COL25A1: variants seen among roughly 807,000 people sequenced by gnomAD.
The protein encoded by COL25A1 is collagen alpha-1(XXV) chain.
A neutral mutation model predicts 128.4 loss-of-function variants in COL25A1; 103 were observed. The ratio of observed to expected loss-of-function variants is 0.80; its 90% CI spans 0.68 to 0.94. COL25A1 has a LOEUF of 0.94. Ranked by LOEUF, COL25A1 falls within the 40% of genes least tolerant of loss-of-function variation. The pLI is 0.00. For synonymous variants in COL25A1, 279 were observed against 277.2 expected, an observed-to-expected ratio of 1.01 and a Z score of -0.06; for missense variants, 745 against 840.0, an observed-to-expected ratio of 0.89 and a Z score of 1.40.
intron 3 of COL25A1, among the ~76,000 whole-genome samples, chr4:109,252,658 C>A (rs1482301260): frequency 6.6e-6 from 1 of 152,222 alleles, no homozygotes; most frequent in Admixed American, 6.5e-5. Context: ...CCTTCCAAGT[C>A]CCTGACTGTC....
At position 108,983,445 on chromosome 4, in the gene COL25A1, C is replaced by A. The variant is rs150744722; in HGVS notation, c.439-8886G>T. Among the ~76,000 whole-genome samples, 46 of 152,280 alleles carry A rather than the reference C, an allele frequency of 3.0e-4. 1 individual carries two copies. In the East Asian group the frequency reaches 8.3e-3, roughly 27 times the overall value. Reference sequence around the variant, plus strand: ...TATAATTATCGATTTCAGCATGTTTCCTAATATATTGTCCCAACATAATTT... The same window carrying A: ...TATAATTATCGATTTCAGCATGTTTACTAATATATTGTCCCAACATAATTT... On this transcript the variant is annotated intron_variant, in intron 6 of 37. Transcript: ENST00000399132.
At chr4:109,218,355 G>GTTTTTTTTT (rs1375312875) in intron 3 of COL25A1, among the ~76,000 whole-genome samples, 265 of 78,120 alleles carry the variant, frequency 3.4e-3, no homozygotes, top group African/African-American at 0.015. Context: ...TGGTTTTTTG[G>GTTTTTTTTT]GGTTTTTTTT....
intron 3 of COL25A1, among the ~76,000 whole-genome samples, chr4:109,117,676 TATGTGTGCTC>T (rs1441834446): frequency 9.9e-5 from 15 of 152,118 alleles, no homozygotes; most frequent in Admixed American, 3.3e-4. Context: ...TGTATTCAGT[TATGTGTGCTC>T]ATGTGTATTA....
chr4:109,202,885 G>T lies in COL25A1; in HGVS notation c.367+97698C>A, dbSNP rs145847741. On this transcript the variant is annotated intron_variant, in intron 3 of 37. Coordinates refer to ENST00000399132, the MANE Select transcript of COL25A1 (RefSeq NM_198721.4). ...ATAAAGATAGATAAGTGGCGAGAGG[G>T]ATATCTACATCTGTACAGATATATG... 9.6e-3 allele frequency among the ~76,000 whole-genome samples: 1,455 copies of T among 152,154 alleles called. 26 individuals carry two copies. Among genetic ancestry groups the T allele is most frequent in the Non-Finnish European group, 0.01 (702 of 68,000 alleles).
At chr4:108,964,536 G>A (rs1405118237) in intron 8 of COL25A1, among the ~76,000 whole-genome samples, 2 of 151,938 alleles carry the variant, frequency 1.3e-5, no homozygotes, top group East Asian at 1.9e-4. Context: ...AATATAGGTA[G>A]AGCCATTATT....
At chr4:109,073,918 T>G (rs1763185439) in intron 3 of COL25A1, among the ~76,000 whole-genome samples, 1 of 152,164 alleles carries the variant, frequency 6.6e-6, no homozygotes, top group African/African-American at 2.4e-5. Context: ...AACAATGTCC[T>G]TTTGCCCAGA....
intron 8 of COL25A1, among the ~76,000 whole-genome samples, chr4:108,961,599 C>CTGTTCTGTTCTGTTCTGTTG (rs1750697429): frequency 6.6e-6 from 1 of 151,868 alleles, no homozygotes; most frequent in Non-Finnish European, 1.5e-5. Flanking sequence ...CTGTTCTGTT[C>CTGTTCTGTTCTGTTCTGTTG]TGTTCTGTTC....
chr4:108,893,855 A>G (rs1171056219), intron 16 of COL25A1, among the ~76,000 whole-genome samples: 4 of 152,166 alleles, frequency 2.6e-5, no homozygotes, highest in African/African-American at 9.7e-5. Flanking sequence ...TTATATTCCA[A>G]TTACAGCATT....
intron 3 of COL25A1, among the ~76,000 whole-genome samples, chr4:109,128,774 A>G (rs1768882444): frequency 1.3e-5 from 2 of 152,212 alleles, no homozygotes; most frequent in Non-Finnish European, 1.5e-5. Flanking sequence ...TCTAATCACC[A>G]AAGTCTCCTT....
At chr4:108,945,427 C>T (rs1347584090) in intron 8 of COL25A1, among the ~76,000 whole-genome samples, 1 of 152,158 alleles carries the variant, frequency 6.6e-6, no homozygotes, top group East Asian at 1.9e-4. Context: ...ACCTGCTAGG[C>T]TTCTCTAGCT....
At chr4:108,918,125 A>G (rs752226576) in intron 13 of COL25A1, 47 bp downstream of exon 13, 1 of 1,250,008 alleles carries the variant, frequency 8.0e-7, no homozygotes, top group Admixed American at 2.0e-5. Context: ...TTGTGATTTC[A>G]ATGCTCACCA....
chr4:108,912,036 C>T (rs60926772), intron 13 of COL25A1, among the ~76,000 whole-genome samples: 34,231 of 151,904 alleles, frequency 0.23, 4,164 homozygotes, highest in African/African-American at 0.29. Flanking sequence ...GAAAAAACTT[C>T]CTTCAACTAA....
At position 108,918,229 on chromosome 4, in the gene COL25A1, A is replaced by G. The variant is rs1420712617; in HGVS notation, c.736-13T>C. 2 of 1,581,632 alleles carry G rather than the reference A, an allele frequency of 1.3e-6. No homozygotes were observed. The highest frequency in any genetic ancestry group is 1.2e-5 in the South Asian group (1 of 85,678). On this transcript the variant is annotated splice_polypyrimidine_tract_variant and intron_variant, in intron 12 of 37. Transcript: ENST00000399132. ...CTCCAATAGAACCCTAAAGAGACACATGATTAAATTCAGTTGATATCATAC... is the reference window on the plus strand; with the variant it reads ...CTCCAATAGAACCCTAAAGAGACACGTGATTAAATTCAGTTGATATCATAC...
chr4:109,205,423 G>C (rs1776894800), intron 3 of COL25A1, among the ~76,000 whole-genome samples: 1 of 152,116 alleles, frequency 6.6e-6, no homozygotes, highest in Admixed American at 6.6e-5. Flanking sequence ...TTGGCCAACG[G>C]ATTGTGGACA....
Position 108,974,249 on chromosome 4 carries a change from T to C in COL25A1, c.492+118A>G. 7 of 989,276 alleles carry C rather than the reference T, an allele frequency of 7.1e-6. No individual in the cohort carries two copies. In the South Asian group the frequency reaches 9.9e-5, roughly 14 times the overall value. 61.3% of individuals were successfully genotyped at this position (989,276 alleles called of 1,614,324 possible). On this transcript the variant is annotated intron_variant, in intron 8 of 37. Coordinates refer to ENST00000399132, the MANE Select transcript of COL25A1 (RefSeq NM_198721.4). Reference sequence around the variant, plus strand: ...TCACTTACAAGTGGTATGGTATTTTTGCCAGCCATTACTGAACCATGTGGC... The same window carrying C: ...TCACTTACAAGTGGTATGGTATTTTCGCCAGCCATTACTGAACCATGTGGC...
intron 3 of COL25A1, among the ~76,000 whole-genome samples, chr4:109,063,855 T>TATA (rs1762192912): frequency 6.6e-6 from 1 of 152,120 alleles, no homozygotes; most frequent in Non-Finnish European, 1.5e-5. Flanking sequence ...AGGAATCAAA[T>TATA]ATAGATAGAG....
intron 16 of COL25A1, among the ~76,000 whole-genome samples, chr4:108,893,792 T>G (rs1218877815): frequency 6.6e-6 from 1 of 152,176 alleles, no homozygotes; most frequent in Non-Finnish European, 1.5e-5. Flanking sequence ...TCCAACATGC[T>G]GGAAACAAAT....
At chr4:109,293,772 C>T (rs539231389) in intron 3 of COL25A1, among the ~76,000 whole-genome samples, 8 of 152,096 alleles carry the variant, frequency 5.3e-5, no homozygotes, top group Admixed American at 2.0e-4. Flanking sequence ...ATAAAAAATG[C>T]GCTTCAAATC....
At chr4:109,000,677 C>A (rs564918723) in intron 6 of COL25A1, among the ~76,000 whole-genome samples, 10 of 127,582 alleles carry the variant, frequency 7.8e-5, no homozygotes, top group African/African-American at 2.9e-4. Flanking sequence ...ACCCCGGAGG[C>A]AAAGGTTGCA....
Sources: allele counts gnomAD v4.1 joint callset (sites outside exome capture counted in the v4.1 genomes callset), GRCh38; gene constraint gnomAD v4.1.1; transcripts MANE v1.5; gene names NCBI Gene and HGNC (gene_info 2026-07-23, HGNC 2026-07-21).